The following ABCA8 variants were observed in gnomAD, a reference collection of about 807,000 sequenced individuals.
ABCA8 encodes the protein ATP binding cassette subfamily A member 8.
Under a neutral mutation model 192.3 loss-of-function variants are expected in ABCA8, and 177 were observed. That is an observed-to-expected ratio of 0.92 (90% CI 0.81 to 1.04). The LOEUF (loss-of-function observed/expected upper bound fraction) is 1.04, where lower values mean the gene tolerates loss of function less well. ABCA8 is among the 50% of genes least tolerant of loss of function. The pLI is 0.00. For synonymous variants in ABCA8, 642 were observed against 690.2 expected, an observed-to-expected ratio of 0.93 and a Z score of 1.09; for missense variants, 1,915 against 1,904.8, an observed-to-expected ratio of 1.01 and a Z score of -0.10.
In ABCA8 at chr17:68,887,038, A is replaced by C; in HGVS notation, c.3408T>G (p.Ile1136Met). The C allele has an allele frequency of 6.2e-7, 1 of 1,609,036 alleles. No homozygotes were observed. The highest frequency in any genetic ancestry group is 1.1e-5 in the South Asian group (1 of 90,954). Reference sequence around the variant, plus strand: ...TTACAACATAGAAACAAAATGACCAAATGCCACTATTTTTTCTCCCCTTGC... The same window carrying C: ...TTACAACATAGAAACAAAATGACCACATGCCACTATTTTTTCTCCCCTTGC... The part of the protein sequence containing the change: ...IFRKGRKNSG[I>M]WSFCFYVVTV... Residue 1136 changes from isoleucine to methionine, a missense_variant, in exon 26 of 40, where the codon ATT (isoleucine) becomes ATG (methionine). Ile to Met is a conservative substitution (Grantham distance 10). Transcript: ENST00000586539.
At chr17:68,943,453 A>C (rs1567885292) in intron 2 of ABCA8, among the ~76,000 whole-genome samples, 1 of 152,202 alleles carries the variant, frequency 6.6e-6, no homozygotes, top group Admixed American at 6.5e-5. Flanking sequence ...ATTCTCATCT[A>C]TAACCATATT....
chr17:68,898,957 G>C lies in ABCA8; in HGVS notation c.2764+3756C>G, dbSNP rs548987313. Reference sequence around the variant, plus strand: ...ATTTCATATCTTTTAAAGAAGCTGAGAGAAGAAAGGAGAGTAAGTACATAT... The same window carrying C: ...ATTTCATATCTTTTAAAGAAGCTGACAGAAGAAAGGAGAGTAAGTACATAT... On this transcript the variant is annotated intron_variant, in intron 21 of 39. Coordinates refer to ENST00000586539, the MANE Select transcript of ABCA8 (RefSeq NM_001288985.2). Among the ~76,000 whole-genome samples the C allele has an allele frequency of 1.1e-4, 17 of 152,142 alleles. No individual in the cohort carries two copies. The East Asian group carries it at 3.1e-3, about 28-fold the overall frequency.
chr17:68,919,372 G>A lies in ABCA8; in HGVS notation c.1717C>T (p.Leu573Phe). 6.2e-7 allele frequency: 1 copy of A among 1,613,966 alleles called. No homozygotes were observed. The highest frequency in any genetic ancestry group is 1.1e-5 in the South Asian group (1 of 91,064). Residue 573 changes from leucine to phenylalanine, a missense_variant, in exon 14 of 40, where the codon CTC (leucine) becomes TTC (phenylalanine). Coordinates refer to ENST00000586539, the MANE Select transcript of ABCA8 (RefSeq NM_001288985.2). ...CPQSNVQFDF[L>F]TVRENLRLFA... Reference sequence around the variant, plus strand: ...AGTCTGAGGTTTTCTCTTACAGTGAGGAAGTCAAATTGCACATTGGATTGT... The same window carrying A: ...AGTCTGAGGTTTTCTCTTACAGTGAAGAAGTCAAATTGCACATTGGATTGT...
chr17:68,867,902 A>T lies in ABCA8; in HGVS notation c.*183T>A. ...AGAGGCTGTGAGAGGAGGTTGGCTT[A>T]GTCAAATGCCTCTGTCCACACTGAC... On this transcript the variant is annotated 3_prime_UTR_variant, in exon 40 of 40. Transcript: ENST00000586539. 1 of 548,332 alleles carries T rather than the reference A, an allele frequency of 1.8e-6. No homozygotes were observed. The highest frequency in any genetic ancestry group is 3.2e-6 in the Non-Finnish European group (1 of 310,240). 34.0% of individuals were successfully genotyped at this position (548,332 alleles called of 1,614,324 possible).
Position 68,932,534 on chromosome 17 carries a change from A to T in ABCA8, c.571-20T>A. The T allele has an allele frequency of 6.4e-7, 1 of 1,560,728 alleles. No individual in the cohort carries two copies. Among genetic ancestry groups the T allele is most frequent in the East Asian group, 2.3e-5 (1 of 44,254 alleles). On this transcript the variant is annotated intron_variant, in intron 6 of 39. Coordinates refer to ENST00000586539, the MANE Select transcript of ABCA8 (RefSeq NM_001288985.2). ...TGTGATCTGAAGAAAGGCATTAATA[A>T]GCAAAATTTGTACGTTAATGAACAG...
intron 2 of ABCA8, among the ~76,000 whole-genome samples, chr17:68,944,316 TTATATATATATATATATATATATATATA>T (rs1177610587): frequency 5.8e-4 from 17 of 29,274 alleles, no homozygotes; most frequent in East Asian, 2.4e-3. Context: ...GAACTTAAAG[TTATATATATATATATATATATATATATA>T]TATATATATA....
chr17:68,945,100 C>G (rs1426802644), intron 2 of ABCA8, among the ~76,000 whole-genome samples: 1 of 152,080 alleles, frequency 6.6e-6, no homozygotes, highest in Non-Finnish European at 1.5e-5. Flanking sequence ...TGGAGGGGGT[C>G]TCCTTTACTG....
chr17:68,939,346 C>G (rs192394929), intron 4 of ABCA8, among the ~76,000 whole-genome samples: 55 of 152,222 alleles, frequency 3.6e-4, no homozygotes, highest in Non-Finnish European at 6.8e-4. Flanking sequence ...TTCCCTTCCT[C>G]TGCTCACATA....
chr17:68,927,229 G>GC (rs2067726442), intron 10 of ABCA8, among the ~76,000 whole-genome samples: 2 of 152,070 alleles, frequency 1.3e-5, no homozygotes, highest in African/African-American at 4.8e-5. Context: ...CTGCACTCCA[G>GC]CCTGGATGAC....
intron 24 of ABCA8, among the ~76,000 whole-genome samples, chr17:68,890,125 G>A (rs1239165271): frequency 6.6e-6 from 1 of 152,166 alleles, no homozygotes; most frequent in African/African-American, 2.4e-5. Flanking sequence ...ATAAGAAACA[G>A]CCAAATTATT....
At chr17:68,910,700 G>C (rs2067210119) in intron 17 of ABCA8, among the ~76,000 whole-genome samples, 1 of 152,158 alleles carries the variant, frequency 6.6e-6, no homozygotes, top group Non-Finnish European at 1.5e-5. Flanking sequence ...TTGAGGAGAG[G>C]AGAGAGGAGT....
rs746055643 is a variant in ABCA8, at chr17:68,907,864, T to C, written c.2154A>G (p.Glu718=). ...ATGTTATGTTTTCCTCAACACATAT[T>C]TCATTTAACTGCAAGCTGGCATTCA... ...IGYHLSLQLN[E]ICVEENITSL... Residue 718 remains glutamate, a synonymous_variant, in exon 18 of 40, where the codon GAA becomes GAG. Transcript: ENST00000586539. 2 of 1,581,806 alleles carry C rather than the reference T, an allele frequency of 1.3e-6. No individual in the cohort carries two copies. The highest frequency in any genetic ancestry group is 1.7e-6 in the Non-Finnish European group (2 of 1,169,272).
At chr17:68,880,458 C>T (rs2066308025) in intron 32 of ABCA8, among the ~76,000 whole-genome samples, 1 of 152,176 alleles carries the variant, frequency 6.6e-6, no homozygotes, top group South Asian at 2.1e-4. Flanking sequence ...GAAACATGCC[C>T]CCCACTTGCC....
Position 68,924,906 on chromosome 17 carries a change from GACC to G in ABCA8, c.1274-40_1274-38del, listed in dbSNP as rs763763894. ...GAAGACAATTAAATATTGGGTCAAT[GACC>G]ACGTTAGGGAGAGAGAGTCACAGTA... On this transcript the variant is annotated intron_variant, in intron 10 of 39. Transcript: ENST00000586539. The G allele has an allele frequency of 8.1e-6, 13 of 1,601,318 alleles. No individual in the cohort carries two copies. In the South Asian group the frequency reaches 1.3e-4, roughly 17 times the overall value.
At chr17:68,876,401 G>T (rs1381163657) in intron 35 of ABCA8, 59 bp downstream of exon 35, 2 of 1,603,134 alleles carry the variant, frequency 1.2e-6, no homozygotes, top group Middle Eastern at 1.7e-4. Context: ...GAAGAAAAAT[G>T]GTTCACAGGC....
intron 1 of ABCA8, among the ~76,000 whole-genome samples, chr17:68,954,591 A>C (rs574243362): frequency 1.3e-5 from 2 of 152,312 alleles, no homozygotes; most frequent in East Asian, 3.9e-4. Context: ...TAGGAGTATG[A>C]AAATTCTTTT....
Position 68,929,232 on chromosome 17 carries a change from T to C in ABCA8, c.942A>G (p.Val314=). 1 of 1,587,076 alleles carries C rather than the reference T, an allele frequency of 6.3e-7. No homozygotes were observed. Among genetic ancestry groups the C allele is most frequent in the Non-Finnish European group, 8.6e-7 (1 of 1,167,862 alleles). The change falls in exon 9 of 40, where the codon GTA becomes GTG. Residue 314 remains valine (V), a splice_region_variant and synonymous_variant. Transcript: ENST00000586539. The part of the protein sequence containing the change: ...SLFLLYGLSL[V]ALAFLMSILV... Reference sequence around the variant, plus strand: ...AGATGCTCATTAAGAAAGCCAAAGCTACCTAAAATGAGAGAAGATCTAGTT... The same window carrying C: ...AGATGCTCATTAAGAAAGCCAAAGCCACCTAAAATGAGAGAAGATCTAGTT...
At chr17:68,887,559 T>C in intron 24 of ABCA8, 53 bp from the exon 25 acceptor site, 1 of 1,471,214 alleles carries the variant, frequency 6.8e-7, no homozygotes. Context: ...ATATGTGGAT[T>C]ATGCAAGGAA....
intron 26 of ABCA8, among the ~76,000 whole-genome samples, chr17:68,886,358 G>A (rs2066460873): frequency 6.6e-6 from 1 of 152,112 alleles, no homozygotes; most frequent in Non-Finnish European, 1.5e-5. Context: ...ATTATTACCA[G>A]TTCCTAGGAT....
Sources: allele counts gnomAD v4.1 joint callset (sites outside exome capture counted in the v4.1 genomes callset), GRCh38; gene constraint gnomAD v4.1.1; transcripts MANE v1.5; gene names NCBI Gene and HGNC (gene_info 2026-07-23, HGNC 2026-07-21).